POLE: variants seen among roughly 807,000 people sequenced by gnomAD.
POLE encodes the protein DNA polymerase epsilon catalytic subunit A.
In POLE, 188 loss-of-function variants were observed where a neutral mutation model predicts 279.2. The observed-to-expected ratio is 0.67, with a 90% CI of 0.60 to 0.76. The LOEUF is 0.76. POLE is among the 30% of genes least tolerant of loss of function. POLE has a pLI of 0.00. For missense variants in POLE, 2,703 were observed against 3,016.7 expected (o/e 0.90, Z 2.44); for synonymous variants, 1,214 against 1,172.5 (o/e 1.04, Z -0.72).
In POLE at chr12:132,675,838, C is replaced by G; in HGVS notation, c.1021-18G>C. ...AGATGAGCCTGAACCCAAGTCACAGCAGTCAGAGGTCTGCTCTTTCTCTTC... is the reference window on the plus strand; with the variant it reads ...AGATGAGCCTGAACCCAAGTCACAGGAGTCAGAGGTCTGCTCTTTCTCTTC... On this transcript the variant is annotated intron_variant, in intron 10 of 48. Coordinates refer to ENST00000320574, the MANE Select transcript of POLE (RefSeq NM_006231.4). This position sits in a 1 kb window ranked among gnomAD's most constrained non-coding sequence, Gnocchi z 4.3. 6.3e-7 allele frequency: 1 copy of G among 1,592,600 alleles called. No individual in the cohort carries two copies. Among genetic ancestry groups the G allele is most frequent in the Non-Finnish European group, 8.6e-7 (1 of 1,160,388 alleles).
In POLE at chr12:132,661,209, T is replaced by G. The variant is rs752620326; in HGVS notation, c.2865-45A>C. ...CAAGCACAGCAGTGGCAAGGAGCGC[T>G]GGGGAGCCACCAGCTGTGCCTCATC... On this transcript the variant is annotated intron_variant, in intron 24 of 48. Transcript: ENST00000320574. The surrounding 1 kb of genome is among the most constrained non-coding windows in gnomAD (Gnocchi z 4.1). 2.0e-6 allele frequency: 3 copies of G among 1,517,210 alleles called. No individual in the cohort carries two copies. The South Asian group carries it at 3.7e-5, about 19-fold the overall frequency. The allele number at this position is 1,517,210 out of a possible 1,614,324, so 94.0% of individuals were successfully genotyped here.
At position 132,657,331 on chromosome 12, in the gene POLE, C is replaced by A. The variant is rs1185706683; in HGVS notation, c.3459+18G>T. 1 of 1,613,956 alleles carries A rather than the reference C, an allele frequency of 6.2e-7. No homozygotes were observed. The highest frequency in any genetic ancestry group is 8.5e-7 in the Non-Finnish European group (1 of 1,180,020). ...CAGTTTTTAGCCCCACAGCCCGTGCCACTGACCCCGCCCTTACCTGCTGCA... is the reference window on the plus strand; with the variant it reads ...CAGTTTTTAGCCCCACAGCCCGTGCAACTGACCCCGCCCTTACCTGCTGCA... On this transcript the variant is annotated intron_variant, in intron 28 of 48. Coordinates refer to ENST00000320574, the MANE Select transcript of POLE (RefSeq NM_006231.4).
chr12:132,658,126 C>A (rs1001824604), intron 26 of POLE, 156 bp from the exon 27 acceptor site: 4 of 584,312 alleles, frequency 6.8e-6, no homozygotes, highest in Admixed American at 3.0e-5. Context: ...CACAAACATG[C>A]CTACAGGTTC....
At chr12:132,624,849 T>C in intron 48 of POLE, 39 bp from the exon 49 acceptor site, 1 of 1,589,892 alleles carries the variant, frequency 6.3e-7, no homozygotes, top group Non-Finnish European at 8.6e-7. Flanking sequence ...CCCAGTCCAC[T>C]CAGAGAGGAG....
In POLE at chr12:132,661,553, C is replaced by T. The variant is rs2135948188; in HGVS notation, c.2838G>A (p.Lys946=). ...PYLAMILPAS[K]EEGKKLKKRY... ...TCTTCTTCAATTTCTTGCCTTCTTC[C>T]TTGGAGGCTGGAAGAATCATGGCAA... The change falls in exon 24 of 49, where the codon AAG becomes AAA. Residue 946 remains lysine (K), a synonymous_variant. Transcript: ENST00000320574. This position sits in a 1 kb window ranked among gnomAD's most constrained non-coding sequence, Gnocchi z 4.1. The T allele has an allele frequency of 1.2e-6, 2 of 1,614,172 alleles. No individual in the cohort carries two copies. Among genetic ancestry groups the T allele is most frequent in the Non-Finnish European group, 1.7e-6 (2 of 1,180,022 alleles).
At chr12:132,682,308 ATAAAAAT>A in intron 1 of POLE, among the ~76,000 whole-genome samples, 1 of 102,158 alleles carries the variant, frequency 9.8e-6, no homozygotes, top group African/African-American at 3.2e-5. Context: ...AAAAAAATAA[ATAAAAAT>A]AAATAAATAA....
At chr12:132,626,085 A>G (rs745320832) in intron 46 of POLE, 32 bp downstream of exon 46, 6 of 1,564,074 alleles carry the variant, frequency 3.8e-6, no homozygotes, top group East Asian at 2.4e-5. Flanking sequence ...GTTCTGCTCC[A>G]CAGTGAAGGG....
At chr12:132,637,912 G>C (rs759240030) in intron 41 of POLE, 102 bp downstream of exon 41, 1 of 1,361,972 alleles carries the variant, frequency 7.3e-7, no homozygotes, top group African/African-American at 1.4e-5. Flanking sequence ...CACTTCTAAC[G>C]ACCTCCCAGC....
At position 132,632,670 on chromosome 12, in the gene POLE, G is replaced by A. The variant is rs1060500801; in HGVS notation, c.6130C>T (p.Leu2044Phe). ...SQEAEGAVGA[L>F]PGMITFSQDY... ...AAGACAAAAGACTGCTCACCGGGAAGGGCTCCGACCGCCCCCTCGGCCTCC... is the reference window on the plus strand; with the variant it reads ...AAGACAAAAGACTGCTCACCGGGAAAGGCTCCGACCGCCCCCTCGGCCTCC... Residue 2044 changes from leucine to phenylalanine, a missense_variant, in exon 44 of 49, where the codon CTT becomes TTT. By Grantham distance (22) the Leu-to-Phe change is conservative. Transcript: ENST00000320574. 1.9e-6 allele frequency: 3 copies of A among 1,614,044 alleles called. No individual in the cohort carries two copies. Among genetic ancestry groups the A allele is most frequent in the Non-Finnish European group, 2.5e-6 (3 of 1,180,012 alleles).
rs556887600 is a variant in POLE at position 132,642,714 on chromosome 12, G to A, written c.4744C>T (p.Pro1582Ser). ...CTGGACTGAACAGCGATGAGTGTGG[G>A]CCCCCGGCGCTCCTCCTGGGTCAAG... is the stretch of plus-strand genomic sequence containing the variant. ...LLAYKEERRG[P>S]TLIAVQSSWE... The change falls in exon 37 of 49, where the codon CCC (proline) becomes TCC (serine). Residue 1582 changes from proline (P) to serine (S), a missense_variant. By Grantham distance (74) the Pro-to-Ser change is moderately conservative. Transcript: ENST00000320574. 2.0e-4 allele frequency: 320 copies of A among 1,613,542 alleles called. 4 individuals are homozygous for A. In the South Asian group the frequency reaches 3.4e-3, roughly 17 times the overall value.
In POLE at chr12:132,634,525, C is replaced by A. The variant is rs540409957; in HGVS notation, c.5812-147G>T. The A allele has an allele frequency of 1.0e-5, 8 of 779,632 alleles. No individual in the cohort carries two copies. The African/African-American group carries it at 1.2e-4, about 12-fold the overall frequency. The allele number at this position is 779,632 out of a possible 1,614,324, so 48.3% of individuals were successfully genotyped here. ...TCGCAGTCAAGGCATCCCCTGGAGC[C>A]TGCGTGAATCCCCCAGGGTGGCTCC... On this transcript the variant is annotated intron_variant, in intron 42 of 48. Transcript: ENST00000320574. The surrounding 1 kb of genome is among the most constrained non-coding windows in gnomAD (Gnocchi z 4.0).
intron 29 of POLE, among the ~76,000 whole-genome samples, chr12:132,653,152 C>G (rs2042460423): frequency 6.6e-6 from 1 of 152,146 alleles, no homozygotes; most frequent in Non-Finnish European, 1.5e-5. Context: ...GGGGCCCAGG[C>G]AGGAGGATCA....
intron 45 of POLE, 109 bp downstream of exon 45, chr12:132,632,206 T>C: frequency 1.2e-6 from 1 of 820,656 alleles, no homozygotes. Flanking sequence ...ACACATACGC[T>C]AGCACGTTCA....
rs919066587 is a variant in POLE, at chr12:132,624,460, G to C, written c.*237C>G. On this transcript the variant is annotated 3_prime_UTR_variant, in exon 49 of 49. Transcript: ENST00000320574. ...CCAGGGCACTCGCAGCCTCGCTCAC[G>C]GCCTGCTTCTTCAGGTGCTCTGGCG... 2 of 581,348 alleles carry C rather than the reference G, an allele frequency of 3.4e-6. No individual in the cohort carries two copies. The highest frequency in any genetic ancestry group is 4.1e-5 in the South Asian group (2 of 48,492). 36.0% of individuals were successfully genotyped at this position (581,348 alleles called of 1,614,324 possible).
Position 132,624,273 on chromosome 12 carries a change from C to G in POLE, c.*424G>C, listed in dbSNP as rs186570282. 1 of 270,528 alleles carries G rather than the reference C, an allele frequency of 3.7e-6. No individual in the cohort carries two copies. Among genetic ancestry groups the G allele is most frequent in the South Asian group, 9.5e-5 (1 of 10,578 alleles). 16.8% of individuals were successfully genotyped at this position (270,528 alleles called of 1,614,324 possible). ...AGGGCCTTGGGAACCCGTCTCGTCT[C>G]AGAGCCCAATCTCAGGGAGCCAGAA... On this transcript the variant is annotated 3_prime_UTR_variant, in exon 49 of 49. Transcript: ENST00000320574.
At chr12:132,663,867 T>G (rs1244395840) in intron 23 of POLE, 137 bp downstream of exon 23, 19 of 814,760 alleles carry the variant, frequency 2.3e-5, no homozygotes, top group Middle Eastern at 3.7e-4. Flanking sequence ...ACCATGGTCT[T>G]CAGGCTATAG....
At chr12:132,684,113 A>G (rs1232475233) in intron 1 of POLE, among the ~76,000 whole-genome samples, 1 of 106,512 alleles carries the variant, frequency 9.4e-6, no homozygotes, top group Non-Finnish European at 1.8e-5. Flanking sequence ...CTGACTGGTT[A>G]CTGTATCACA....
In POLE at chr12:132,681,197, CA is replaced by C; in HGVS notation, c.144del (p.Phe48LeufsTer6). The C allele has an allele frequency of 6.2e-7, 1 of 1,614,166 alleles. No individual in the cohort carries two copies. The highest frequency in any genetic ancestry group is 8.5e-7 in the Non-Finnish European group (1 of 1,180,046). On this transcript the variant is annotated frameshift_variant, in exon 2 of 49. Transcript: ENST00000320574. LOFTEE classifies it high-confidence loss of function. Reference protein sequence around the residue: ...SQWTDKMDLRFGFERLKEPGE... With the variant: ...SQWTDKMDLRXGFERLKEPGE... ...CCAGGCTCCTTCAGCCGCTCAAAAC[CA>C]AACCGCAAATCCATCTTATCCGTCC... is the stretch of plus-strand genomic sequence containing the variant.
chr12:132,682,013 T>C (rs907110786), intron 1 of POLE, among the ~76,000 whole-genome samples: 3 of 152,028 alleles, frequency 2.0e-5, no homozygotes, highest in African/African-American at 7.3e-5. Flanking sequence ...GGTGAAACCC[T>C]GTCTCTACTA....
Sources: allele counts gnomAD v4.1 joint callset (sites outside exome capture counted in the v4.1 genomes callset), GRCh38; gene constraint gnomAD v4.1.1; non-coding constraint Gnocchi (gnomAD v3.1); transcripts MANE v1.5; gene names NCBI Gene and HGNC (gene_info 2026-07-23, HGNC 2026-07-21).